CDH8: variants seen among roughly 807,000 people sequenced by gnomAD.
CDH8 encodes the protein cadherin-8.
Under a neutral mutation model 68.1 loss-of-function variants are expected in CDH8, and 17 were observed. The observed-to-expected ratio is 0.25, with a 90% CI of 0.17 to 0.37. The LOEUF is 0.37. Among genes scored for constraint, CDH8 ranks in the 10% least tolerant of loss-of-function variants. CDH8 has a pLI of 1.00. For synonymous variants in CDH8, 372 were observed against 365.1 expected, an observed-to-expected ratio of 1.02 and a Z score of -0.21; for missense variants, 763 against 999.3, an observed-to-expected ratio of 0.76 and a Z score of 3.19.
chr16:61,951,725 C>CAA (rs1964901518), intron 2 of CDH8, among the ~76,000 whole-genome samples: 1 of 152,150 alleles, frequency 6.6e-6, no homozygotes, highest in Non-Finnish European at 1.5e-5. Flanking sequence ...CCTTTCCTCA[C>CAA]CTACAGCACT....
intron 10 of CDH8, among the ~76,000 whole-genome samples, chr16:61,657,572 T>C (rs1040444684): frequency 6.6e-6 from 1 of 152,112 alleles, no homozygotes; most frequent in Admixed American, 6.5e-5. Flanking sequence ...AGGAACATTA[T>C]CTCAAAACAG....
In CDH8 at chr16:61,894,935, T is replaced by C. The variant is rs917393798; in HGVS notation, c.547+6244A>G. Among the ~76,000 whole-genome samples, 9 of 152,158 alleles carry C rather than the reference T, an allele frequency of 5.9e-5. No homozygotes were observed. The East Asian group carries it at 1.3e-3, about 23-fold the overall frequency. ...TTTGGTGGAGCATGCATTCCTCTTT[T>C]GCATTTGCTACCAAGAAACCCAGAG... On this transcript the variant is annotated intron_variant, in intron 3 of 11. Coordinates refer to ENST00000577390, the MANE Select transcript of CDH8 (RefSeq NM_001796.5).
At chr16:61,734,457 C>T (rs999576246) in intron 8 of CDH8, among the ~76,000 whole-genome samples, 2 of 152,124 alleles carry the variant, frequency 1.3e-5, no homozygotes, top group Non-Finnish European at 2.9e-5. Flanking sequence ...CTTTCTAGGG[C>T]CATTTTCCAG....
chr16:61,779,909 A>G (rs903772211), intron 8 of CDH8, among the ~76,000 whole-genome samples: 3 of 152,164 alleles, frequency 2.0e-5, no homozygotes, highest in African/African-American at 7.2e-5. Flanking sequence ...GCAAGAAGAT[A>G]AAGAGGAAAG....
At chr16:62,031,500 T>C (rs1402116337) in intron 1 of CDH8, among the ~76,000 whole-genome samples, 1 of 152,174 alleles carries the variant, frequency 6.6e-6, no homozygotes. Flanking sequence ...TGCTTAGCCC[T>C]GAACCATCCA....
At position 61,997,642 on chromosome 16, in the gene CDH8, A is replaced by C. The variant is rs186961036; in HGVS notation, c.252+23510T>G. Among the ~76,000 whole-genome samples the C allele has an allele frequency of 5.3e-5, 8 of 152,316 alleles. No individual in the cohort carries two copies. In the East Asian group the frequency reaches 1.5e-3, roughly 29 times the overall value. On this transcript the variant is annotated intron_variant, in intron 2 of 11. Coordinates refer to ENST00000577390, the MANE Select transcript of CDH8 (RefSeq NM_001796.5). ...GGGAAAATAGTAGCTTTGCAGAAGA[A>C]AGCCCTGACAGACACCATCTCAACC... is the stretch of plus-strand genomic sequence containing the variant.
chr16:61,961,181 G>C (rs1421827427), intron 2 of CDH8, among the ~76,000 whole-genome samples: 1 of 152,064 alleles, frequency 6.6e-6, no homozygotes, highest in Non-Finnish European at 1.5e-5. Flanking sequence ...CAGGTGTGGA[G>C]GCACGCACAT....
chr16:61,779,203 C>G (rs532229588), intron 8 of CDH8, among the ~76,000 whole-genome samples: 10 of 152,156 alleles, frequency 6.6e-5, no homozygotes, highest in Admixed American at 2.0e-4. Context: ...CACACCATCA[C>G]GTTCTCTGTG....
chr16:61,685,058 A>T (rs1964081816), intron 10 of CDH8, among the ~76,000 whole-genome samples: 1 of 151,554 alleles, frequency 6.6e-6, no homozygotes, highest in Non-Finnish European at 1.5e-5. Context: ...TTTGTATTAA[A>T]TTTCTTGTTT....
rs1388875418 is a variant in CDH8, at chr16:61,919,358, A to C, written c.253-17885T>G. Among the ~76,000 whole-genome samples the C allele has an allele frequency of 2.0e-5, 3 of 148,214 alleles. 1 individual carries two copies. The highest frequency in any genetic ancestry group is 5.0e-5 in the African/African-American group (2 of 40,138). On this transcript the variant is annotated intron_variant, in intron 2 of 11. Transcript: ENST00000577390. Reference sequence around the variant, plus strand: ...GAGAGAAGAAGGCTTCAGACGATCAAATTACTCCAAGCTACGGGAGGACAT... The same window carrying C: ...GAGAGAAGAAGGCTTCAGACGATCACATTACTCCAAGCTACGGGAGGACAT...
chr16:61,878,900 T>A (rs1399671794), intron 3 of CDH8, among the ~76,000 whole-genome samples: 2 of 152,194 alleles, frequency 1.3e-5, no homozygotes, highest in Non-Finnish European at 2.9e-5. Flanking sequence ...TGCTGTCTGC[T>A]GCCCCACGTG....
At chr16:61,782,394 G>T (rs1214309009) in intron 8 of CDH8, among the ~76,000 whole-genome samples, 3 of 151,992 alleles carry the variant, frequency 2.0e-5, no homozygotes, top group African/African-American at 7.2e-5. Flanking sequence ...CTTAAAAAAC[G>T]GCGCACCACG....
At chr16:61,999,900 C>T (rs768505092) in intron 2 of CDH8, among the ~76,000 whole-genome samples, 14 of 152,086 alleles carry the variant, frequency 9.2e-5, no homozygotes, top group Non-Finnish European at 2.1e-4. Context: ...CCTATCAACC[C>T]GTCATCTAGG....
chr16:61,744,778 T>C (rs1959971581), intron 8 of CDH8, among the ~76,000 whole-genome samples: 1 of 150,386 alleles, frequency 6.6e-6, no homozygotes, highest in Non-Finnish European at 1.5e-5. Context: ...ATATCTTAAA[T>C]AATGTATCAA....
chr16:61,718,553 A>C (rs147290513), intron 9 of CDH8, among the ~76,000 whole-genome samples: 50 of 151,486 alleles, frequency 3.3e-4, no homozygotes, highest in Middle Eastern at 3.4e-3. Flanking sequence ...GTCGATGAAG[A>C]AGGAACAGCA....
intron 4 of CDH8, among the ~76,000 whole-genome samples, chr16:61,848,768 C>T (rs890928513): frequency 6.6e-6 from 1 of 152,060 alleles, no homozygotes; most frequent in Non-Finnish European, 1.5e-5. Context: ...TCATTATCAT[C>T]ATTTATTTTG....
chr16:61,700,425 C>T (rs1009208156), intron 10 of CDH8, among the ~76,000 whole-genome samples: 2 of 151,898 alleles, frequency 1.3e-5, no homozygotes, highest in African/African-American at 2.4e-5. Context: ...GGACTACAGA[C>T]ACGTGCCACA....
chr16:62,014,335 G>A (rs10153223), intron 2 of CDH8, among the ~76,000 whole-genome samples: 2,292 of 152,088 alleles, frequency 0.015, 34 homozygotes, highest in African/African-American at 0.037. Flanking sequence ...TTTCTAAGTC[G>A]GAACATTGGA....
At chr16:62,028,771 C>A (rs1197013165) in intron 1 of CDH8, among the ~76,000 whole-genome samples, 2 of 151,628 alleles carry the variant, frequency 1.3e-5, no homozygotes, top group African/African-American at 4.8e-5. Flanking sequence ...AGTCCCACAA[C>A]TCCCTTGCCA....
Sources: gnomAD v4.1 joint callset for allele counts (sites outside exome capture counted in the v4.1 genomes callset) on GRCh38, gnomAD v4.1.1 for gene constraint, MANE v1.5 for transcripts, NCBI Gene and HGNC (gene_info 2026-07-23, HGNC 2026-07-21) for gene names.